Variants in SPOCK2 observed in about 807,000 individuals in gnomAD.
The protein encoded by SPOCK2 is SPARC (osteonectin), cwcv and kazal like domains proteoglycan 2.
In SPOCK2, 39 loss-of-function variants were observed where a neutral mutation model predicts 60.1. That is an observed-to-expected ratio of 0.65 (90% CI 0.50 to 0.85). SPOCK2 has a LOEUF of 0.85. Among genes scored for constraint, SPOCK2 ranks in the 40% least tolerant of loss-of-function variants. The pLI is 0.00. For synonymous variants in SPOCK2, 217 were observed against 231.5 expected (o/e 0.94, Z 0.57); for missense variants, 523 against 567.4 (o/e 0.92, Z 0.80).
chr10:72,063,603 T>A (rs1264923482), intron 9 of SPOCK2, among the ~76,000 whole-genome samples: 1 of 152,244 alleles, frequency 6.6e-6, no homozygotes, highest in African/African-American at 2.4e-5. Flanking sequence ...CTTGCTTTCC[T>A]GCAGGCTCCC....
chr10:72,085,130 C>T (rs139489902), intron 1 of SPOCK2, among the ~76,000 whole-genome samples: 33 of 152,276 alleles, frequency 2.2e-4, no homozygotes, highest in African/African-American at 7.2e-4. Flanking sequence ...TTCCAAAGAC[C>T]TGCATTAAAT....
At chr10:72,075,899 C>A (rs1443116217) in intron 1 of SPOCK2, among the ~76,000 whole-genome samples, 16 of 152,192 alleles carry the variant, frequency 1.1e-4, no homozygotes, top group Non-Finnish European at 1.3e-4. Flanking sequence ...CCGACCAGTG[C>A]ACCTTGGGCA....
In SPOCK2 at chr10:72,062,946, GGCACGCACCCCCCA is replaced by G; in HGVS notation, c.1130-55_1130-42del. On this transcript the variant is annotated intron_variant, in intron 10 of 10. Coordinates refer to ENST00000373109, the MANE Select transcript of SPOCK2 (RefSeq NM_001244950.2). The surrounding 1 kb of genome is among the most constrained non-coding windows in gnomAD (Gnocchi z 4.3). ...GCCAACAGGGGGTGAGGGAGCTTCT[GGCACGCACCCCCCA>G]GCATCCCACGACAAGGGCCCCCAGG... 6.3e-7 allele frequency: 1 copy of G among 1,589,598 alleles called. No individual in the cohort carries two copies. Among genetic ancestry groups the G allele is most frequent in the Non-Finnish European group, 8.5e-7 (1 of 1,170,952 alleles).
Position 72,063,124 on chromosome 10 carries a change from G to A in SPOCK2, c.1030C>T (p.Arg344Trp), listed in dbSNP as rs374345173. 41 of 1,556,342 alleles carry A rather than the reference G, an allele frequency of 2.6e-5. No homozygotes were observed. In the East Asian group the frequency reaches 3.6e-4, roughly 14 times the overall value. ...CTGCTCTGGTCACACTGCATCTTCC[G>A]GTAGTAGCCATCCTCGTCGCAGCTC... ...IPSCDEDGYYRKMQCDQSSGD... is the reference protein window; with the variant it reads ...IPSCDEDGYYWKMQCDQSSGD... Residue 344 changes from arginine (R) to tryptophan (W), a missense_variant, in exon 10 of 11, where the codon CGG becomes TGG. Coordinates refer to ENST00000373109, the MANE Select transcript of SPOCK2 (RefSeq NM_001244950.2).
At position 72,087,125 on chromosome 10, in the gene SPOCK2, A is replaced by C; in HGVS notation, c.189+1015T>G. ...CGGGCCCATCCCCCACAGCACCCCC[A>C]ACGATCTCGGGGTCCAGCCACACCC... is the stretch of plus-strand genomic sequence containing the variant. On this transcript the variant is annotated intron_variant, in intron 1 of 10. Transcript: ENST00000373109. This position sits in a 1 kb window ranked among gnomAD's most constrained non-coding sequence, Gnocchi z 4.7. 2.1e-6 allele frequency: 2 copies of C among 966,208 alleles called. No homozygotes were observed. Among genetic ancestry groups the C allele is most frequent in the Non-Finnish European group, 2.9e-6 (2 of 680,210 alleles). The allele number at this position is 966,208 out of a possible 1,614,324, so 59.9% of individuals were successfully genotyped here.
intron 1 of SPOCK2, among the ~76,000 whole-genome samples, chr10:72,083,246 C>T (rs981005626): frequency 2.0e-5 from 3 of 152,300 alleles, no homozygotes; most frequent in Admixed American, 6.5e-5. Context: ...GACCTGCTGC[C>T]CAGCCTGTGG....
chr10:72,087,157 C>G lies in SPOCK2; in HGVS notation c.189+983G>C, dbSNP rs1407188826. On this transcript the variant is annotated intron_variant, in intron 1 of 10. Transcript: ENST00000373109. The surrounding 1 kb of genome is among the most constrained non-coding windows in gnomAD (Gnocchi z 4.7). ...TCGGGGTCCAGCCACACCCTCCGCCCGCCCTGCCTCACCCCTGCTTCCCCA... is the reference window on the plus strand; with the variant it reads ...TCGGGGTCCAGCCACACCCTCCGCCGGCCCTGCCTCACCCCTGCTTCCCCA... 6.6e-6 allele frequency among the ~76,000 whole-genome samples: 1 copy of G among 152,062 alleles called. No individual in the cohort carries two copies. Among genetic ancestry groups the G allele is most frequent in the Non-Finnish European group, 1.5e-5 (1 of 67,988 alleles).
chr10:72,078,106 A>G (rs532636843), intron 1 of SPOCK2, among the ~76,000 whole-genome samples: 5 of 152,382 alleles, frequency 3.3e-5, no homozygotes, highest in African/African-American at 7.2e-5. Flanking sequence ...ACTGCTGGGT[A>G]GGAATACAGA....
At chr10:72,067,581 C>A (rs1457122443) in intron 7 of SPOCK2, 32 bp downstream of exon 7, 1 of 1,609,886 alleles carries the variant, frequency 6.2e-7, no homozygotes, top group Non-Finnish European at 8.5e-7. Flanking sequence ...CTATTTCCCT[C>A]CCTCCTCCAG....
rs190135166 is a variant in SPOCK2, at chr10:72,072,060, G to T, written c.359+84C>A. On this transcript the variant is annotated intron_variant, in intron 4 of 10. Coordinates refer to ENST00000373109, the MANE Select transcript of SPOCK2 (RefSeq NM_001244950.2). ...ACAATTTATTTAACAGCAGTAGATG[G>T]CTAATTCATAAGGAGAGGGTCAGTT... 2.5e-3 allele frequency: 2,783 copies of T among 1,093,604 alleles called. 7 individuals are homozygous for T. The highest frequency in any genetic ancestry group is 3.2e-3 in the Non-Finnish European group (2,535 of 795,874). The allele number at this position is 1,093,604 out of a possible 1,614,324, so 67.7% of individuals were successfully genotyped here.
chr10:72,073,531 G>A (rs182103425), intron 1 of SPOCK2, among the ~76,000 whole-genome samples: 76 of 152,310 alleles, frequency 5.0e-4, no homozygotes, highest in Middle Eastern at 3.4e-3. Flanking sequence ...ACCCTCAGAG[G>A]CAGAGGACCC....
rs1840629663 is a variant in SPOCK2, at chr10:72,070,385, G to T, written c.401C>A (p.Ser134Tyr). Residue 134 changes from serine (S) to tyrosine (Y), a missense_variant, in exon 5 of 11, where the codon TCC (serine) becomes TAC (tyrosine). Coordinates refer to ENST00000373109, the MANE Select transcript of SPOCK2 (RefSeq NM_001244950.2). ...GGCCATGTGGCAGGGCTTGCAGATG[G>T]AGTCTTTGTTTCCATGGAGTTTCAC... Reference protein sequence around the residue: ...PTVKLHGNKDSICKPCHMAQL... With the variant: ...PTVKLHGNKDYICKPCHMAQL... The T allele has an allele frequency of 6.2e-7, 1 of 1,614,218 alleles. No individual in the cohort carries two copies. Among genetic ancestry groups the T allele is most frequent in the Non-Finnish European group, 8.5e-7 (1 of 1,180,032 alleles).
intron 1 of SPOCK2, among the ~76,000 whole-genome samples, chr10:72,073,215 A>G (rs1350131812): frequency 6.6e-6 from 1 of 152,184 alleles, no homozygotes; most frequent in East Asian, 1.9e-4. Flanking sequence ...CCACCAGGAC[A>G]GATGTCCGAG....
rs369907439 is a variant in SPOCK2 at position 72,066,890 on chromosome 10, G to A, written c.928+12C>T. ...GGGTGAGGCAGGGGCCTGGGAGGGG[G>A]GCTGCACTCACTCTCCCTCCAGAAG... On this transcript the variant is annotated intron_variant, in intron 8 of 10. Transcript: ENST00000373109. 6.2e-7 allele frequency: 1 copy of A among 1,613,878 alleles called. No homozygotes were observed. Among genetic ancestry groups the A allele is most frequent in the Non-Finnish European group, 8.5e-7 (1 of 1,179,976 alleles).
chr10:72,070,674 T>C (rs948513567), intron 4 of SPOCK2, among the ~76,000 whole-genome samples: 1 of 151,364 alleles, frequency 6.6e-6, no homozygotes, highest in African/African-American at 2.4e-5. Flanking sequence ...CTGAGTCCCA[T>C]GGGGCCTTCA....
chr10:72,069,783 A>G (rs1840620247), intron 5 of SPOCK2, among the ~76,000 whole-genome samples: 2 of 152,126 alleles, frequency 1.3e-5, no homozygotes, highest in Admixed American at 1.3e-4. Context: ...GCTTTCTCAA[A>G]TATTGTCTCC....
At chr10:72,088,857 C>A (rs1401548831), upstream of SPOCK2, 1 of 152,606 alleles carries the variant, frequency 6.6e-6, no homozygotes. Context: ...CAAAACTCTC[C>A]GGTTACAAAG....
intron 1 of SPOCK2, 22 bp from the exon 2 acceptor site, chr10:72,072,932 C>T (rs1314080978): frequency 6.4e-7 from 1 of 1,554,374 alleles, no homozygotes; most frequent in Admixed American, 2.0e-5. Flanking sequence ...GGAACAGCAG[C>T]AGGCCATGGA....
At chr10:72,077,302 GT>G (rs955533551) in intron 1 of SPOCK2, among the ~76,000 whole-genome samples, 1 of 151,778 alleles carries the variant, frequency 6.6e-6, no homozygotes, top group Non-Finnish European at 1.5e-5. Flanking sequence ...TATTGTGGTG[GT>G]TTTTTTCATA....
Sources: gnomAD v4.1 joint callset for allele counts (sites outside exome capture counted in the v4.1 genomes callset) on GRCh38, gnomAD v4.1.1 for gene constraint, Gnocchi (gnomAD v3.1) non-coding constraint, MANE v1.5 for transcripts, NCBI Gene and HGNC (gene_info 2026-07-23, HGNC 2026-07-21) for gene names.